Variants in ERAP1 observed in about 807,000 individuals in gnomAD.
ERAP1 encodes the protein adipocyte-derived leucine aminopeptidase.
A neutral mutation model predicts 103.7 loss-of-function variants in ERAP1; 86 were observed. That is an observed-to-expected ratio of 0.83 (90% CI 0.70 to 0.99). The LOEUF is 0.99. Ranked by LOEUF, ERAP1 falls within the 50% of genes least tolerant of loss-of-function variation. The pLI, the probability that ERAP1 is intolerant of heterozygous loss-of-function variation, is 0.00. For missense variants in ERAP1, 1,009 were observed against 1,128.4 expected (o/e 0.89, Z 1.52); for synonymous variants, 398 against 402.4 (o/e 0.99, Z 0.13).
the ERAP1 span, chr5:96,902,364 A>T: frequency 3.2e-6 from 5 of 1,562,008 alleles, no homozygotes; most frequent in Admixed American, 8.4e-5. Context: ...GTAATGAACT[A>T]ATTAGCCAAA....
At chr5:96,883,149 C>T in the ERAP1 span, among the ~76,000 whole-genome samples, 2 of 152,178 alleles carry the variant, frequency 1.3e-5, no homozygotes, top group South Asian at 2.1e-4. Flanking sequence ...GAAAGTCCAG[C>T]TCCTTGCCTC....
chr5:96,879,549 G>GT, the ERAP1 span: 19 of 643,822 alleles, frequency 3.0e-5, no homozygotes, highest in Non-Finnish European at 4.5e-5. Flanking sequence ...CTATAAGTGT[G>GT]TTTTTTTCTT....
At chr5:96,892,265 A>G in the ERAP1 span, 338 of 1,609,836 alleles carry the variant, frequency 2.1e-4, no homozygotes, top group Non-Finnish European at 2.7e-4. Context: ...TGTGGGAGCC[A>G]TAAAACTCAA....
chr5:96,875,742 A>G, the ERAP1 span, among the ~76,000 whole-genome samples: 1 of 152,160 alleles, frequency 6.6e-6, no homozygotes, highest in African/African-American at 2.4e-5. Context: ...TTAGACATCC[A>G]TGTACTGTTG....
the ERAP1 span, among the ~76,000 whole-genome samples, chr5:96,890,442 A>G: frequency 3.9e-5 from 6 of 152,198 alleles, no homozygotes; most frequent in African/African-American, 9.6e-5. Context: ...ACCTCCTGCC[A>G]TGCAGCCCAG....
At chr5:96,789,503 G>A (rs1040381121) in intron 10 of ERAP1, among the ~76,000 whole-genome samples, 1 of 151,272 alleles carries the variant, frequency 6.6e-6, no homozygotes, top group East Asian at 1.9e-4. Context: ...AAAAGAATTA[G>A]TAAAAAGATA....
At chr5:96,921,058 A>C in the ERAP1 span, among the ~76,000 whole-genome samples, 4 of 152,214 alleles carry the variant, frequency 2.6e-5, no homozygotes, top group Non-Finnish European at 1.5e-5. Context: ...TTAGTTTTAG[A>C]TGAGTCTTTT....
At chr5:96,792,774 C>CA (rs1776883235) in intron 7 of ERAP1, among the ~76,000 whole-genome samples, 1 of 151,912 alleles carries the variant, frequency 6.6e-6, no homozygotes, top group African/African-American at 2.4e-5. Flanking sequence ...TAAATATTCA[C>CA]AAATGTATAT....
upstream of ERAP1, among the ~76,000 whole-genome samples, chr5:96,808,351 T>C (rs1031219237): frequency 6.7e-5 from 10 of 150,212 alleles, no homozygotes; most frequent in African/African-American, 2.5e-4. Context: ...GGTGCTCAAG[T>C]TGGGGACCGA....
intron 1 of ERAP1, chr5:96,804,247 G>A: frequency 1.3e-5 from 5 of 398,664 alleles, no homozygotes; most frequent in South Asian, 2.2e-5. Flanking sequence ...GCTGATATAG[G>A]CAGAAAAGGA....
At chr5:96,879,574 T>C in the ERAP1 span, 4 of 723,604 alleles carry the variant, frequency 5.5e-6, 1 homozygote, top group South Asian at 4.0e-5. Flanking sequence ...ATTAAATTCA[T>C]GTATTGAAAA....
At chr5:96,797,994 T>G (rs1247235569) in intron 3 of ERAP1, among the ~76,000 whole-genome samples, 1 of 152,142 alleles carries the variant, frequency 6.6e-6, no homozygotes, top group African/African-American at 2.4e-5. Flanking sequence ...TATATAACCC[T>G]GTAGTACCTA....
At chr5:96,780,089 C>T (rs769716324) in intron 18 of ERAP1, among the ~76,000 whole-genome samples, 1 of 152,232 alleles carries the variant, frequency 6.6e-6, no homozygotes, top group African/African-American at 2.4e-5. Context: ...GCCTCTTTAG[C>T]AACAGCTGGA....
the ERAP1 span, chr5:96,903,627 A>G: frequency 1.4e-6 from 2 of 1,388,954 alleles, no homozygotes; most frequent in Non-Finnish European, 2.0e-6. Flanking sequence ...CTAGACTTCA[A>G]TATTGAATGT....
exon 20 of ERAP1, chr5:96,762,475 T>C: frequency 1.4e-6 from 1 of 727,914 alleles, no homozygotes; most frequent in Non-Finnish European, 2.2e-6. Context: ...GCAGAATTAT[T>C]AGGAAGATCA....
At chr5:96,838,858 A>T in the ERAP1 span, among the ~76,000 whole-genome samples, 6 of 152,122 alleles carry the variant, frequency 3.9e-5, no homozygotes, top group African/African-American at 7.2e-5. Context: ...TTCTGATGTG[A>T]ACTACCTGGA....
chr5:96,881,393 G>T, the ERAP1 span: 2 of 455,666 alleles, frequency 4.4e-6, no homozygotes, highest in Non-Finnish European at 8.8e-6. Context: ...CTGACATATT[G>T]GTCATGTGAG....
the ERAP1 span, among the ~76,000 whole-genome samples, chr5:96,906,239 C>A: frequency 6.6e-6 from 1 of 151,372 alleles, no homozygotes; most frequent in Admixed American, 6.6e-5. Flanking sequence ...CCTCCTCTTC[C>A]TCTTCCTCTT....
At chr5:96,930,973 C>T in the ERAP1 span, among the ~76,000 whole-genome samples, 1 of 152,082 alleles carries the variant, frequency 6.6e-6, no homozygotes, top group Non-Finnish European at 1.5e-5. Context: ...GTAGGATATG[C>T]AGGCTGGACT....
Sources: allele counts gnomAD v4.1 joint callset (sites outside exome capture counted in the v4.1 genomes callset), GRCh38; gene constraint gnomAD v4.1.1; transcripts MANE v1.5; gene names NCBI Gene and HGNC (gene_info 2026-07-23, HGNC 2026-07-21).